The following MARCHF1 variants were observed in gnomAD, a reference collection of about 807,000 sequenced individuals.
MARCHF1 encodes the protein membrane associated ring-CH-type finger 1.
Under a neutral mutation model 54.2 loss-of-function variants are expected in MARCHF1, and 40 were observed. That is an observed-to-expected ratio of 0.74 (90% CI 0.57 to 0.96). The LOEUF (loss-of-function observed/expected upper bound fraction) is 0.96. Ranked by LOEUF, MARCHF1 falls within the 40% of genes least tolerant of loss-of-function variation. The pLI is 0.00. For missense variants in MARCHF1, 586 were observed against 656.5 expected (o/e 0.89, Z 1.17); for synonymous variants, 236 against 236.3 (o/e 1.00, Z 0.01).
At chr4:164,177,676 G>T (rs1203558198) in intron 1 of MARCHF1, among the ~76,000 whole-genome samples, 1 of 152,062 alleles carries the variant, frequency 6.6e-6, no homozygotes, top group Non-Finnish European at 1.5e-5. Flanking sequence ...AAGAAAAATG[G>T]ATGGTCCCAA....
chr4:164,052,285 C>T (rs1201431710), intron 2 of MARCHF1, among the ~76,000 whole-genome samples: 1 of 151,102 alleles, frequency 6.6e-6, no homozygotes, highest in African/African-American at 2.4e-5. Flanking sequence ...AATCCCAGCA[C>T]TTAGGGGAGG....
chr4:164,355,842 G>A (rs1411890254), intron 1 of MARCHF1, among the ~76,000 whole-genome samples: 29 of 115,330 alleles, frequency 2.5e-4, no homozygotes, highest in Non-Finnish European at 4.8e-4. Context: ...TACAACATGG[G>A]AGAAAATTTT....
chr4:163,927,184 C>T (rs1298071752), intron 3 of MARCHF1, among the ~76,000 whole-genome samples: 1 of 151,734 alleles, frequency 6.6e-6, no homozygotes, highest in African/African-American at 2.4e-5. Flanking sequence ...TGGAAAAGCG[C>T]AACTTGATGT....
intron 1 of MARCHF1, among the ~76,000 whole-genome samples, chr4:164,179,925 T>A (rs1329275680): frequency 2.0e-5 from 3 of 149,930 alleles, no homozygotes; most frequent in Non-Finnish European, 3.0e-5. Flanking sequence ...ACTGGCTAAA[T>A]GTTTATGGCA....
At chr4:163,856,571 A>G (rs1429715420) in intron 3 of MARCHF1, among the ~76,000 whole-genome samples, 1 of 152,224 alleles carries the variant, frequency 6.6e-6, no homozygotes, top group East Asian at 1.9e-4. Context: ...AATGCCTGTG[A>G]TAGTTGCATT....
At chr4:163,635,481 C>A (rs1742281527) in intron 5 of MARCHF1, among the ~76,000 whole-genome samples, 1 of 147,700 alleles carries the variant, frequency 6.8e-6, no homozygotes, top group African/African-American at 2.5e-5. Context: ...CACAAATAAA[C>A]TAGAAAATCT....
chr4:164,034,657 C>T (rs1436568872), intron 2 of MARCHF1, among the ~76,000 whole-genome samples: 3 of 151,652 alleles, frequency 2.0e-5, no homozygotes, highest in Admixed American at 2.0e-4. Context: ...TAATGATTAC[C>T]TGATAATAGC....
chr4:164,203,730 T>C (rs1367544), intron 1 of MARCHF1, among the ~76,000 whole-genome samples: 91,867 of 152,002 alleles, frequency 0.6, 28,256 homozygotes, highest in South Asian at 0.66. Context: ...TGAAGGACTT[T>C]GAAAATAGTA....
intron 4 of MARCHF1, among the ~76,000 whole-genome samples, chr4:163,761,635 C>A (rs1188286800): frequency 6.6e-6 from 1 of 152,192 alleles, no homozygotes; most frequent in Non-Finnish European, 1.5e-5. Context: ...CCATGAGCCC[C>A]ACAGTAATCT....
At chr4:164,217,459 G>T (rs763416702) in intron 1 of MARCHF1, among the ~76,000 whole-genome samples, 37 of 152,098 alleles carry the variant, frequency 2.4e-4, no homozygotes, top group Admixed American at 2.4e-3. Context: ...TAAGCCTTTG[G>T]GAAATGTACC....
At chr4:163,811,692 C>T (rs1748393396) in intron 4 of MARCHF1, among the ~76,000 whole-genome samples, 1 of 152,044 alleles carries the variant, frequency 6.6e-6, no homozygotes, top group Non-Finnish European at 1.5e-5. Context: ...AAAAAGTAGG[C>T]AGGCCTGATA....
intron 1 of MARCHF1, among the ~76,000 whole-genome samples, chr4:164,302,204 T>C (rs1470246515): frequency 1.3e-5 from 2 of 152,146 alleles, no homozygotes; most frequent in African/African-American, 4.8e-5. Flanking sequence ...AAAACTCCTC[T>C]TCTCCCTTTC....
chr4:163,902,683 G>A (rs1750967597), intron 3 of MARCHF1, among the ~76,000 whole-genome samples: 1 of 152,132 alleles, frequency 6.6e-6, no homozygotes, highest in Non-Finnish European at 1.5e-5. Context: ...CTGAAGCTTA[G>A]TCTTTCTATC....
At chr4:164,159,357 T>C (rs1367983985) in intron 1 of MARCHF1, among the ~76,000 whole-genome samples, 2 of 152,152 alleles carry the variant, frequency 1.3e-5, no homozygotes, top group African/African-American at 4.8e-5. Context: ...ATATCATATA[T>C]AATTTTCTTT....
Position 164,211,278 on chromosome 4 carries a change from G to GTATA in MARCHF1, c.-322-99620_-322-99617dup, listed in dbSNP as rs10548085. Among the ~76,000 whole-genome samples the GTATA allele has an allele frequency of 2.9e-3, 420 of 145,888 alleles. 4 individuals are homozygous for GTATA. Among genetic ancestry groups the GTATA allele is most frequent in the African/African-American group, 0.01 (403 of 39,846 alleles). On this transcript the variant is annotated intron_variant, in intron 1 of 9. Transcript: ENST00000514618. ...TTAATAAGCTTGATTTAATCTTTAT[G>GTATA]TATATATATATATATATACCACATT...
At chr4:163,600,533 G>A (rs1053767904) in intron 7 of MARCHF1, among the ~76,000 whole-genome samples, 2 of 152,108 alleles carry the variant, frequency 1.3e-5, no homozygotes, top group Non-Finnish European at 2.9e-5. Flanking sequence ...GGAACAAAGA[G>A]TCCTCTGATG....
chr4:164,273,101 T>C (rs1733783415), intron 1 of MARCHF1, among the ~76,000 whole-genome samples: 1 of 152,036 alleles, frequency 6.6e-6, no homozygotes, highest in African/African-American at 2.4e-5. Flanking sequence ...TGTATTTGTC[T>C]GTTTTCATAC....
chr4:164,317,567 C>T (rs1310459353), intron 1 of MARCHF1, among the ~76,000 whole-genome samples: 3 of 152,282 alleles, frequency 2.0e-5, no homozygotes, highest in South Asian at 2.1e-4. Context: ...ACCCCATACA[C>T]GTCTGCCCTT....
intron 2 of MARCHF1, among the ~76,000 whole-genome samples, chr4:164,057,241 T>C (rs1198097956): frequency 6.6e-6 from 1 of 152,180 alleles, no homozygotes; most frequent in African/African-American, 2.4e-5. Context: ...CTGCAGTACC[T>C]TGAATGAAGA....
Sources: gnomAD v4.1 joint callset for allele counts (sites outside exome capture counted in the v4.1 genomes callset) on GRCh38, gnomAD v4.1.1 for gene constraint, MANE v1.5 for transcripts, NCBI Gene and HGNC (gene_info 2026-07-23, HGNC 2026-07-21) for gene names.